Variants in MBD5 observed in about 807,000 individuals in gnomAD.
MBD5 encodes methyl-CpG-binding domain protein 5.
Under a neutral mutation model 117.3 loss-of-function variants are expected in MBD5, and 13 were observed. The ratio of observed to expected loss-of-function variants is 0.11; its 90% CI spans 0.07 to 0.18. The LOEUF (loss-of-function observed/expected upper bound fraction) is 0.18, where lower values mean the gene tolerates loss of function less well. Ranked by LOEUF, MBD5 falls within the 10% of genes least tolerant of loss-of-function variation. The probability of loss-of-function intolerance (pLI) is 1.00; values close to 1 mark genes in which losing one functional copy is unlikely to be tolerated. For missense variants in MBD5, 1,879 were observed against 2,093.8 expected, an observed-to-expected ratio of 0.90 and a Z score of 2.00; for synonymous variants, 727 against 766.4, an observed-to-expected ratio of 0.95 and a Z score of 0.85.
intron 4 of MBD5, among the ~76,000 whole-genome samples, chr2:148,345,536 TAC>T (rs1166965319): frequency 1.0e-5 from 1 of 95,642 alleles, no homozygotes; most frequent in Non-Finnish European, 2.1e-5. Context: ...CATATGTATA[TAC>T]ACATATACAC....
intron 3 of MBD5, among the ~76,000 whole-genome samples, chr2:148,316,198 T>C (rs1006365857): frequency 1.3e-5 from 2 of 152,194 alleles, no homozygotes; most frequent in Non-Finnish European, 2.9e-5. Context: ...CACTGGTGAT[T>C]GCAATTTGAC....
intron 3 of MBD5, among the ~76,000 whole-genome samples, chr2:148,258,652 C>A (rs975743936): frequency 6.6e-6 from 1 of 152,168 alleles, no homozygotes; most frequent in South Asian, 2.1e-4. Context: ...GTGTATTTCT[C>A]CCCCTTGGGC....
At chr2:148,447,682 G>C (rs1416998456) in intron 4 of MBD5, 1 of 152,146 alleles carries the variant, frequency 6.6e-6, no homozygotes, top group Non-Finnish European at 1.5e-5. Context: ...CTCCATTCCA[G>C]ATAATTGTTG....
At chr2:148,386,598 A>G (rs1244321595) in intron 4 of MBD5, among the ~76,000 whole-genome samples, 1 of 150,178 alleles carries the variant, frequency 6.7e-6, no homozygotes, top group Non-Finnish European at 1.5e-5. Flanking sequence ...GGGCGCCTGT[A>G]GTCCCAGCTA....
At chr2:148,062,043 A>G (rs939331056) in intron 1 of MBD5, 3 of 151,712 alleles carry the variant, frequency 2.0e-5, no homozygotes, top group Non-Finnish European at 4.4e-5. Context: ...TATAGTATGC[A>G]TAGTAACATT....
chr2:148,259,078 A>G (rs1700669375), intron 3 of MBD5, among the ~76,000 whole-genome samples: 1 of 152,182 alleles, frequency 6.6e-6, no homozygotes, highest in Admixed American at 6.5e-5. Flanking sequence ...AGCCTGCTGC[A>G]TACCCATCTC....
At chr2:148,292,879 A>G (rs747977021) in intron 3 of MBD5, among the ~76,000 whole-genome samples, 52 of 149,410 alleles carry the variant, frequency 3.5e-4, no homozygotes, top group Non-Finnish European at 1.2e-4. Flanking sequence ...ACAACAGAGT[A>G]CCATTCAGCC....
chr2:148,508,865 A>G (rs550125636), intron 12 of MBD5, among the ~76,000 whole-genome samples: 2 of 152,326 alleles, frequency 1.3e-5, no homozygotes, highest in South Asian at 4.1e-4. Context: ...GTCTAGCACT[A>G]TAGAACTCAG....
intron 2 of MBD5, among the ~76,000 whole-genome samples, chr2:148,228,836 G>T (rs1558981885): frequency 1.3e-5 from 2 of 152,120 alleles, no homozygotes; most frequent in Non-Finnish European, 2.9e-5. Context: ...GTTTAGTCTT[G>T]GGAGAGTGTA....
intron 7 of MBD5, among the ~76,000 whole-genome samples, chr2:148,465,097 T>A (rs1707219138): frequency 6.6e-6 from 1 of 152,296 alleles, no homozygotes; most frequent in African/African-American, 2.4e-5. Context: ...GACATTGAAA[T>A]TTTTGAAGAG....
intron 10 of MBD5, among the ~76,000 whole-genome samples, chr2:148,487,660 G>A (rs893082462): frequency 2.6e-5 from 4 of 152,154 alleles, no homozygotes; most frequent in African/African-American, 4.8e-5. Context: ...GCAGGAGCCA[G>A]ATGGCAAAAT....
intron 4 of MBD5, among the ~76,000 whole-genome samples, chr2:148,398,674 A>G (rs1396717865): frequency 6.6e-6 from 1 of 152,102 alleles, no homozygotes; most frequent in African/African-American, 2.4e-5. Context: ...CCATTTGTCA[A>G]TTTTGGCTTT....
At chr2:148,200,148 T>C (rs894216986) in intron 2 of MBD5, among the ~76,000 whole-genome samples, 1 of 152,138 alleles carries the variant, frequency 6.6e-6, no homozygotes, top group Non-Finnish European at 1.5e-5. Flanking sequence ...CTCTGACCAT[T>C]CTATTTTAAA....
chr2:148,076,408 G>A (rs981630565), intron 1 of MBD5, among the ~76,000 whole-genome samples: 1 of 152,134 alleles, frequency 6.6e-6, no homozygotes, highest in African/African-American at 2.4e-5. Flanking sequence ...TGCTCTCCTT[G>A]CATGTCCATC....
chr2:148,483,749 CCCTGG>C lies in MBD5; in HGVS notation c.3159_3163del (p.Leu1054GlufsTer10). On this transcript the variant is annotated frameshift_variant, in exon 9 of 14. Transcript: ENST00000642680. LOFTEE classifies it high-confidence loss of function. ...CGAGCTGAGACCCTTTTAACCAGCCCCCTGGGGAACCCTTTACCAAGCTTTGCAGG... is the reference window on the plus strand; with the variant it reads ...CGAGCTGAGACCCTTTTAACCAGCCCGGAACCCTTTACCAAGCTTTGCAGG... The C allele has an allele frequency of 6.4e-7, 1 of 1,550,570 alleles. No individual in the cohort carries two copies. The highest frequency in any genetic ancestry group is 1.4e-5 in the African/African-American group (1 of 73,170).
chr2:148,144,745 A>G (rs1697407160), intron 1 of MBD5, among the ~76,000 whole-genome samples: 1 of 152,174 alleles, frequency 6.6e-6, no homozygotes, highest in African/African-American at 2.4e-5. Flanking sequence ...TTTTTCAAAG[A>G]TTAGATGGTT....
At chr2:148,419,956 T>C (rs1705548861) in intron 4 of MBD5, among the ~76,000 whole-genome samples, 1 of 152,152 alleles carries the variant, frequency 6.6e-6, no homozygotes, top group Admixed American at 6.6e-5. Flanking sequence ...TTCCTTTCTA[T>C]CCATTCCTCA....
intron 2 of MBD5, among the ~76,000 whole-genome samples, chr2:148,189,178 G>A (rs1356849361): frequency 2.3e-4 from 34 of 147,102 alleles, no homozygotes; most frequent in African/African-American, 8.3e-4. Flanking sequence ...CGAGGCTGGG[G>A]GAGGGGCGCC....
chr2:148,502,820 A>T (rs1418036704), intron 12 of MBD5: 1 of 459,030 alleles, frequency 2.2e-6, no homozygotes, highest in Non-Finnish European at 4.0e-6. Context: ...ATAGCAATTA[A>T]ATAGGCTCTG....
Sources: gnomAD v4.1 joint callset for allele counts (sites outside exome capture counted in the v4.1 genomes callset) on GRCh38, gnomAD v4.1.1 for gene constraint, MANE v1.5 for transcripts, NCBI Gene and HGNC (gene_info 2026-07-23, HGNC 2026-07-21) for gene names.